The following MUC5AC variants were observed in gnomAD, a reference collection of about 807,000 sequenced individuals.
MUC5AC encodes the protein mucin 5AC, oligomeric mucus/gel-forming.
A neutral mutation model predicts 169.7 loss-of-function variants in MUC5AC; 158 were observed. The observed-to-expected ratio is 0.93, with a 90% confidence interval of 0.82 to 1.06. MUC5AC has a LOEUF of 1.06. MUC5AC is among the 50% of genes least tolerant of loss of function. The pLI is 0.00. For missense variants in MUC5AC, 4,359 were observed against 3,089.9 expected (o/e 1.41, Z -9.74); for synonymous variants, 1,975 against 1,237.0 (o/e 1.60, Z -12.52).
chr11:1,192,817 C>T lies in MUC5AC; in HGVS notation c.14415C>T (p.Gly4805=). 1 of 763,850 alleles carries T rather than the reference C, an allele frequency of 1.3e-6. No individual in the cohort carries two copies. The highest frequency in any genetic ancestry group is 2.4e-6 in the Non-Finnish European group (1 of 416,924). The allele number at this position is 763,850 out of a possible 1,614,324, so 47.3% of individuals were successfully genotyped here. A position where few individuals can be genotyped will look rare whatever the true frequency, so the allele number is the denominator to read the frequency against. Residue 4805 remains glycine (G), a synonymous_variant, in exon 32 of 49, where the codon GGC becomes GGT. Coordinates refer to ENST00000621226, the MANE Select transcript of MUC5AC (RefSeq NM_001304359.2). ...TATACCGCCACAGAGACCTCGCTGG[C>T]CATTGCTATTATGCCCTGTGTAGCC... is the stretch of plus-strand genomic sequence containing the variant. The part of the protein sequence containing the change: ...STIYRHRDLA[G]HCYYALCSQD...
intron 12 of MUC5AC, 88 bp downstream of exon 12, chr11:1,168,075 T>A: frequency 8.5e-7 from 1 of 1,172,258 alleles, no homozygotes; most frequent in Non-Finnish European, 1.2e-6. Flanking sequence ...CCTTCATCCC[T>A]GGCATGAACA....
chr11:1,183,809 C>T lies in MUC5AC; in HGVS notation c.5664C>T (p.Thr1888=), dbSNP rs1436674812. The T allele has an allele frequency of 1.6e-5, 7 of 426,230 alleles. No homozygotes were observed. Among genetic ancestry groups the T allele is most frequent in the African/African-American group, 2.1e-5 (1 of 48,106 alleles). 26.4% of individuals were successfully genotyped at this position (426,230 alleles called of 1,614,324 possible). ...GSSAPSSTPG[T]VSLSTARTTP... is the part of the protein sequence containing the mutation. ...CAGCCCCCAGCAGCACACCTGGCAC[C>T]GTGTCTCTCTCTACAGCCAGGACGA... The change falls in exon 31 of 49, where the codon ACC becomes ACT. Residue 1888 remains threonine (T), a synonymous_variant. Transcript: ENST00000621226.
Position 1,187,525 on chromosome 11 carries a change from T to C in MUC5AC, c.9380T>C (p.Ile3127Thr). The part of the protein sequence containing the change: ...TSGLGTTPSP[I>T]PTTSTTSPPT... ...GGTCTTGGAACTACTCCCAGCCCTA[T>C]TCCTACCACCAGCACAACCTCTCCT... The change falls in exon 31 of 49, where the codon ATT (isoleucine) becomes ACT (threonine). Residue 3127 changes from isoleucine (I) to threonine (T), a missense_variant. Coordinates refer to ENST00000621226, the MANE Select transcript of MUC5AC (RefSeq NM_001304359.2). 1 of 740,166 alleles carries C rather than the reference T, an allele frequency of 1.4e-6. No individual in the cohort carries two copies. Among genetic ancestry groups the C allele is most frequent in the Non-Finnish European group, 2.5e-6 (1 of 407,366 alleles). 45.8% of individuals were successfully genotyped at this position (740,166 alleles called of 1,614,324 possible).
intron 11 of MUC5AC, among the ~76,000 whole-genome samples, chr11:1,166,906 CTGCACGATGAGACCCTGCA>C (rs1860349328): frequency 3.0e-4 from 4 of 13,202 alleles, no homozygotes; most frequent in Non-Finnish European, 6.4e-4. Flanking sequence ...CACACAGTCT[CTGCACGATGAGACCCTGCA>C]CCCAACACAC....
At chr11:1,170,318 A>T (rs1860466858) in intron 15 of MUC5AC, among the ~76,000 whole-genome samples, 2 of 89,706 alleles carry the variant, frequency 2.2e-5, no homozygotes. Flanking sequence ...CACTCACCTC[A>T]CTCACTGACT....
chr11:1,198,848 G>T (rs1189072005), intron 43 of MUC5AC, 26 bp from the exon 44 acceptor site: 1 of 714,496 alleles, frequency 1.4e-6, no homozygotes, highest in South Asian at 1.5e-5. Flanking sequence ...AAGCTCATGA[G>T]TGTCTGCTGC....
rs1451353963 is a variant in MUC5AC at position 1,199,073 on chromosome 11, C to T, written c.16297-14C>T. 2 of 763,934 alleles carry T rather than the reference C, an allele frequency of 2.6e-6. No homozygotes were observed. Among genetic ancestry groups the T allele is most frequent in the Admixed American group, 1.7e-5 (1 of 58,846 alleles). The allele number at this position is 763,934 out of a possible 1,614,324, so 47.3% of individuals were successfully genotyped here. ...GTCGCCTGGATTCCAGCCACATGTC[C>T]ATCCCTCCCGCAGGGCTTCGAGTAC... On this transcript the variant is annotated splice_polypyrimidine_tract_variant and intron_variant, in intron 44 of 48. Coordinates refer to ENST00000621226, the MANE Select transcript of MUC5AC (RefSeq NM_001304359.2).
chr11:1,193,115 G>A (rs1861166562), intron 32 of MUC5AC, 133 bp downstream of exon 32: 2 of 595,898 alleles, frequency 3.4e-6, no homozygotes, highest in Non-Finnish European at 6.0e-6. Context: ...CGGCCGTCAG[G>A]AGAGGGCCAT....
At chr11:1,197,775 C>T (rs561253770) in intron 41 of MUC5AC, 128 bp from the exon 42 acceptor site, 55 of 598,200 alleles carry the variant, frequency 9.2e-5, no homozygotes, top group Non-Finnish European at 1.5e-4. Context: ...TCCGCTTCCG[C>T]AACAGCCTCA....
Position 1,189,519 on chromosome 11 carries a change from A to G in MUC5AC, c.11374A>G (p.Ile3792Val). ...STTSAPITST[I>V]SAPTTSTTST... ...TACCTCTGCTCCCATAACCAGCACAATCTCTGCCCCTACAACCAGCACAAC... is the reference window on the plus strand; with the variant it reads ...TACCTCTGCTCCCATAACCAGCACAGTCTCTGCCCCTACAACCAGCACAAC... The change falls in exon 31 of 49, where the codon ATC becomes GTC. Residue 3792 changes from isoleucine (I) to valine (V), a missense_variant. Ile to Val is a conservative substitution (Grantham distance 29). Coordinates refer to ENST00000621226, the MANE Select transcript of MUC5AC (RefSeq NM_001304359.2). 3.3e-6 allele frequency: 2 copies of G among 597,876 alleles called. No individual in the cohort carries two copies. The highest frequency in any genetic ancestry group is 5.9e-6 in the Non-Finnish European group (2 of 336,782). 37.0% of individuals were successfully genotyped at this position (597,876 alleles called of 1,614,324 possible).
In MUC5AC at chr11:1,183,679, G is replaced by A. The variant is rs1860862227; in HGVS notation, c.5534G>A (p.Arg1845Lys). The A allele has an allele frequency of 4.7e-6, 3 of 635,030 alleles. No individual in the cohort carries two copies. Among genetic ancestry groups the A allele is most frequent in the Non-Finnish European group, 5.6e-6 (2 of 355,614 alleles). The allele number at this position is 635,030 out of a possible 1,614,324, so 39.3% of individuals were successfully genotyped here. ...CGTGTGCTCTGCTGCGAGACCCCCA[G>A]AGGCTGCCACATGACCTCCACACCT... ...EVRVLCCETP[R>K]GCHMTSTPGS... Residue 1845 changes from arginine to lysine, a missense_variant, in exon 31 of 49, where the codon AGA (arginine) becomes AAA (lysine). Physicochemically the swap from Arg to Lys is conservative, Grantham distance 26. Transcript: ENST00000621226.
chr11:1,168,220 G>A (rs954959248), intron 12 of MUC5AC, among the ~76,000 whole-genome samples: 1 of 152,204 alleles, frequency 6.6e-6, no homozygotes, highest in African/African-American at 2.4e-5. Context: ...CCAGGAAGGA[G>A]GGACTGGGCG....
At position 1,178,520 on chromosome 11, in the gene MUC5AC, T is replaced by TG; in HGVS notation, c.3169dup (p.Asp1057GlyfsTer75). The TG allele has an allele frequency of 4.7e-6, 6 of 1,275,754 alleles. No individual in the cohort carries two copies. Among genetic ancestry groups the TG allele is most frequent in the South Asian group, 2.0e-5 (1 of 50,836 alleles). The allele number at this position is 1,275,754 out of a possible 1,614,324, so 79.0% of individuals were successfully genotyped here. A position where few individuals can be genotyped will look rare whatever the true frequency, so the allele number is the denominator to read the frequency against. On this transcript the variant is annotated frameshift_variant, in exon 25 of 49. Transcript: ENST00000621226. LOFTEE classifies it high-confidence loss of function. ...TTTGCCACGCGGAGCCGGTCTGTGG[T>TG]GGGGGACGTGCTGGAGTTTGGGAAC...
At chr11:1,158,258 G>T (rs1033302727) in intron 1 of MUC5AC, among the ~76,000 whole-genome samples, 186 bp downstream of exon 1, 3 of 152,254 alleles carry the variant, frequency 2.0e-5, no homozygotes, top group Non-Finnish European at 4.4e-5. Context: ...GTTGGGAAGG[G>T]ATCTCTGGGC....
intron 1 of MUC5AC, among the ~76,000 whole-genome samples, chr11:1,158,578 A>C (rs1396775314): frequency 6.6e-6 from 1 of 151,748 alleles, no homozygotes; most frequent in Non-Finnish European, 1.5e-5. Context: ...CCCACAAGGG[A>C]ACTGTTTCAC....
At chr11:1,193,823 C>T (rs901442068) in intron 33 of MUC5AC, among the ~76,000 whole-genome samples, 164 bp downstream of exon 33, 2 of 152,238 alleles carry the variant, frequency 1.3e-5, no homozygotes, top group East Asian at 3.9e-4. Flanking sequence ...TGGGGCCGAG[C>T]CTCCCCGCTT....
In MUC5AC at chr11:1,177,262, A is replaced by G; in HGVS notation, c.2825A>G (p.Asp942Gly). The G allele has an allele frequency of 2.3e-6, 1 of 428,186 alleles. No homozygotes were observed. The highest frequency in any genetic ancestry group is 4.1e-6 in the Non-Finnish European group (1 of 242,204). The allele number at this position is 428,186 out of a possible 1,614,324, so 26.5% of individuals were successfully genotyped here. Residue 942 changes from aspartate to glycine, a missense_variant, in exon 23 of 49, where the codon GAC becomes GGC. Physicochemically the swap from Asp to Gly is moderately conservative, Grantham distance 94. Coordinates refer to ENST00000621226, the MANE Select transcript of MUC5AC (RefSeq NM_001304359.2). Reference sequence around the variant, plus strand: ...TGTGGCGGGAAAGACAGCACCCAGGACTCCTTTCGTGTTGTCACCGAGAAC... The same window carrying G: ...TGTGGCGGGAAAGACAGCACCCAGGGCTCCTTTCGTGTTGTCACCGAGAAC... Reference protein sequence around the residue: ...NHCGGKDSTQDSFRVVTENVP... With the variant: ...NHCGGKDSTQGSFRVVTENVP...
chr11:1,177,421 G>A (rs1260045944), intron 23 of MUC5AC, 33 bp from the exon 24 acceptor site: 1 of 401,380 alleles, frequency 2.5e-6, no homozygotes, highest in African/African-American at 2.1e-5. Context: ...TGGGGTTCTT[G>A]CTGGGGGCCC....
rs1861283660 is a variant in MUC5AC, at chr11:1,196,669, A to C, written c.15778A>C (p.Met5260Leu). 2.6e-6 allele frequency: 2 copies of C among 762,548 alleles called. No homozygotes were observed. The highest frequency in any genetic ancestry group is 4.8e-6 in the Non-Finnish European group (2 of 416,978). 47.2% of individuals were successfully genotyped at this position (762,548 alleles called of 1,614,324 possible). Residue 5260 changes from methionine (M) to leucine (L), a missense_variant, in exon 39 of 49, where the codon ATG becomes CTG. Coordinates refer to ENST00000621226, the MANE Select transcript of MUC5AC (RefSeq NM_001304359.2). Reference protein sequence around the residue: ...ITEGCFCPEGMTLFSTSAQVC... With the variant: ...ITEGCFCPEGLTLFSTSAQVC... ...CGAAGGCTGCTTCTGTCCGGAGGGCATGACCCTCTTCAGCACCAGTGCCCA... is the reference window on the plus strand; with the variant it reads ...CGAAGGCTGCTTCTGTCCGGAGGGCCTGACCCTCTTCAGCACCAGTGCCCA...
Sources: allele counts gnomAD v4.1 joint callset (sites outside exome capture counted in the v4.1 genomes callset), GRCh38; gene constraint gnomAD v4.1.1; transcripts MANE v1.5; gene names NCBI Gene and HGNC (gene_info 2026-07-23, HGNC 2026-07-21).